The following ITPRID2 variants were observed in gnomAD, a reference collection of about 807,000 sequenced individuals.
ITPRID2 encodes ITPR interacting domain containing 2, also known as protein ITPRID2.
In ITPRID2, 60 loss-of-function variants were observed where a neutral mutation model predicts 124.3. That is an observed-to-expected ratio of 0.48 (90% CI 0.39 to 0.60). ITPRID2 has a LOEUF of 0.60. Among genes scored for constraint, ITPRID2 ranks in the 20% least tolerant of loss-of-function variants. ITPRID2 has a pLI of 0.00. For synonymous variants in ITPRID2, 521 were observed against 542.9 expected (o/e 0.96, Z 0.56); for missense variants, 1,553 against 1,512.2 (o/e 1.03, Z -0.45).
In ITPRID2 at chr2:181,896,014, G is replaced by T. The variant is rs369219118; in HGVS notation, c.258-16G>T. ...CCTTTCACAAGACTAAGGCTTATACGTTTATATGGTTTCAGTACACCTTTG... is the reference window on the plus strand; with the variant it reads ...CCTTTCACAAGACTAAGGCTTATACTTTTATATGGTTTCAGTACACCTTTG... On this transcript the variant is annotated splice_polypyrimidine_tract_variant and intron_variant, in intron 2 of 17. Transcript: ENST00000431877. The surrounding 1 kb of genome is among the most constrained non-coding windows in gnomAD (Gnocchi z 4.3). 1.2e-6 allele frequency: 2 copies of T among 1,611,420 alleles called. No individual in the cohort carries two copies. Among genetic ancestry groups the T allele is most frequent in the African/African-American group, 2.7e-5 (2 of 74,842 alleles).
At position 181,894,034 on chromosome 2, in the gene ITPRID2, A is replaced by G. The variant is rs1691981495; in HGVS notation, c.257+1374A>G. ...CTCCAATCTGACTCTTTATTTAAAT[A>G]CAGTCCTAAGTACAGTATTGGCTTA... On this transcript the variant is annotated intron_variant, in intron 2 of 17. Transcript: ENST00000431877. The G allele has an allele frequency of 2.0e-5, 3 of 152,222 alleles. No homozygotes were observed. In the South Asian group the frequency reaches 6.2e-4, roughly 32 times the overall value. 9.4% of individuals were successfully genotyped at this position (152,222 alleles called of 1,614,324 possible). A position where few individuals can be genotyped will look rare whatever the true frequency, so the allele number is the denominator to read the frequency against.
chr2:181,911,489 A>T (rs1339823003), intron 9 of ITPRID2, among the ~76,000 whole-genome samples: 1 of 152,182 alleles, frequency 6.6e-6, no homozygotes. Flanking sequence ...AAGACATACA[A>T]TATTTTCTTT....
rs1574294368 is a variant in ITPRID2 at position 181,920,809 on chromosome 2, A to G, written c.3210+147A>G. The G allele has an allele frequency of 1.2e-5, 8 of 681,418 alleles. No individual in the cohort carries two copies. In the South Asian group the frequency reaches 1.6e-4, roughly 14 times the overall value. The allele number at this position is 681,418 out of a possible 1,614,324, so 42.2% of individuals were successfully genotyped here. A position where few individuals can be genotyped will look rare whatever the true frequency, so the allele number is the denominator to read the frequency against. On this transcript the variant is annotated intron_variant, in intron 15 of 17. Coordinates refer to ENST00000431877, the MANE Select transcript of ITPRID2 (RefSeq NM_001130445.3). ...TGATTGGAAGTGACTTTCACCTTTG[A>G]AAGTCCATTGCTGTCTGAAGCCACT...
rs759732815 is a variant in ITPRID2, at chr2:181,915,485, G to T, written c.1845G>T (p.Gly615=). The stretch of plus-strand genomic sequence containing the variant: ...CTAAACAGTCCACCTGTAGTCCAGG[G>T]GATCATATCATTGAAATTACTGAAG... The part of the protein sequence containing the change: ...TGTKQSTCSP[G]DHIIEITEVE... The change falls in exon 11 of 18, where the codon GGG becomes GGT. Residue 615 remains glycine, a synonymous_variant. Coordinates refer to ENST00000431877, the MANE Select transcript of ITPRID2 (RefSeq NM_001130445.3). 1 of 1,614,154 alleles carries T rather than the reference G, an allele frequency of 6.2e-7. No individual in the cohort carries two copies. Among genetic ancestry groups the T allele is most frequent in the East Asian group, 2.2e-5 (1 of 44,880 alleles).
intron 5 of ITPRID2, 30 bp from the exon 6 acceptor site, chr2:181,898,984 A>C: frequency 2.5e-6 from 4 of 1,597,438 alleles, no homozygotes; most frequent in Admixed American, 1.7e-5. Context: ...TAAAGTTATA[A>C]AGTTTTATAT....
At chr2:181,908,982 C>T (rs1300948856) in intron 8 of ITPRID2, among the ~76,000 whole-genome samples, 1 of 152,084 alleles carries the variant, frequency 6.6e-6, no homozygotes, top group African/African-American at 2.4e-5. Flanking sequence ...GCATCTTGCC[C>T]ATTCCCTATG....
At chr2:181,901,007 G>T in intron 7 of ITPRID2, 103 bp downstream of exon 7, 1 of 898,578 alleles carries the variant, frequency 1.1e-6, no homozygotes, top group Non-Finnish European at 1.6e-6. Context: ...GCACTGGAAA[G>T]TAAAGAGATT....
chr2:181,926,661 C>T (rs557917136), intron 16 of ITPRID2, among the ~76,000 whole-genome samples: 19 of 145,612 alleles, frequency 1.3e-4, no homozygotes, highest in African/African-American at 3.6e-4. Context: ...TGCAGTGAGC[C>T]GATATTGTAC....
At position 181,912,430 on chromosome 2, in the gene ITPRID2, A is replaced by G. The variant is rs571472759; in HGVS notation, c.1487-1415A>G. Reference sequence around the variant, plus strand: ...TACGTAGGCTTATCAAGGATATGGAATAATTCCTTATATTTCATTTTGCAG... The same window carrying G: ...TACGTAGGCTTATCAAGGATATGGAGTAATTCCTTATATTTCATTTTGCAG... On this transcript the variant is annotated intron_variant, in intron 9 of 17. Transcript: ENST00000431877. Among the ~76,000 whole-genome samples, 140 of 152,368 alleles carry G rather than the reference A, an allele frequency of 9.2e-4. 1 individual carries two copies. Among genetic ancestry groups the G allele is most frequent in the Middle Eastern group, 3.4e-3 (1 of 294 alleles).
chr2:181,920,764 A>G (rs1694424883), intron 15 of ITPRID2, 102 bp downstream of exon 15: 2 of 864,004 alleles, frequency 2.3e-6, no homozygotes, highest in Admixed American at 5.0e-5. Flanking sequence ...TTTTAAATAC[A>G]TAATTTGATA....
At chr2:181,920,252 T>C (rs894961296) in intron 14 of ITPRID2, among the ~76,000 whole-genome samples, 4 of 152,196 alleles carry the variant, frequency 2.6e-5, no homozygotes, top group African/African-American at 9.7e-5. Flanking sequence ...TAAACACATA[T>C]ATGTATAGCA....
chr2:181,893,116 G>A (rs527613923), intron 2 of ITPRID2: 2 of 173,744 alleles, frequency 1.2e-5, no homozygotes, highest in South Asian at 2.8e-4. Context: ...TCTGTTTGGG[G>A]AGCTATTAAA....
At position 181,902,473 on chromosome 2, in the gene ITPRID2, A is replaced by T. The variant is rs769874821; in HGVS notation, c.1413+7A>T. On this transcript the variant is annotated splice_region_variant and intron_variant, in intron 8 of 17. Coordinates refer to ENST00000431877, the MANE Select transcript of ITPRID2 (RefSeq NM_001130445.3). This position sits in a 1 kb window ranked among gnomAD's most constrained non-coding sequence, Gnocchi z 4.4. ...CTCCTTCGAAATGGAAGAGGTAGGT[A>T]AAAAATTACTGAGACTGGTTTCAAG... The T allele has an allele frequency of 1.3e-6, 2 of 1,507,952 alleles. No homozygotes were observed. The highest frequency in any genetic ancestry group is 8.9e-7 in the Non-Finnish European group (1 of 1,128,074). 93.4% of individuals were successfully genotyped at this position (1,507,952 alleles called of 1,614,324 possible).
At chr2:181,926,328 A>C (rs1694847021) in intron 16 of ITPRID2, among the ~76,000 whole-genome samples, 1 of 152,222 alleles carries the variant, frequency 6.6e-6, no homozygotes, top group African/African-American at 2.4e-5. Flanking sequence ...TTGAGATTAT[A>C]TCATGCTTGA....
rs775547619 is a variant in ITPRID2 at position 181,922,167 on chromosome 2, G to T, written c.3430G>T (p.Ala1144Ser). 1.2e-6 allele frequency: 2 copies of T among 1,614,206 alleles called. No individual in the cohort carries two copies. Among genetic ancestry groups the T allele is most frequent in the East Asian group, 2.2e-5 (1 of 44,888 alleles). ...GGGCAAATCCAAAACCCCATTAGTGGCAAGGAAGAAAGTGTTCCGAGCATC... is the reference window on the plus strand; with the variant it reads ...GGGCAAATCCAAAACCCCATTAGTGTCAAGGAAGAAAGTGTTCCGAGCATC... Reference protein sequence around the residue: ...SVGKSKTPLVARKKVFRASVA... With the variant: ...SVGKSKTPLVSRKKVFRASVA... The change falls in exon 16 of 18, where the codon GCA becomes TCA. Residue 1144 changes from alanine (A) to serine (S), a missense_variant. Physicochemically the swap from Ala to Ser is moderately conservative, Grantham distance 99. Transcript: ENST00000431877.
intron 15 of ITPRID2, 84 bp downstream of exon 15, chr2:181,920,746 T>C (rs1694423400): frequency 1.0e-6 from 1 of 1,001,710 alleles, no homozygotes; most frequent in African/African-American, 1.6e-5. Flanking sequence ...AGATGAAATA[T>C]ATGTTTATTT....
Position 181,928,477 on chromosome 2 carries a change from A to G in ITPRID2, c.*13+199A>G, listed in dbSNP as rs368795129. Among the ~76,000 whole-genome samples, 31 of 152,218 alleles carry G rather than the reference A, an allele frequency of 2.0e-4. 1 individual carries two copies. The highest frequency in any genetic ancestry group is 1.4e-3 in the Admixed American group (22 of 15,284). On this transcript the variant is annotated intron_variant, in intron 17 of 17. Coordinates refer to ENST00000431877, the MANE Select transcript of ITPRID2 (RefSeq NM_001130445.3). ...TCAAATCCCATAATACAAATCTCCAAGGAATTACTTATATTGGGTCATTCT... is the reference window on the plus strand; with the variant it reads ...TCAAATCCCATAATACAAATCTCCAGGGAATTACTTATATTGGGTCATTCT...
At chr2:181,909,811 T>C in intron 8 of ITPRID2, 88 bp from the exon 9 acceptor site, 2 of 945,426 alleles carry the variant, frequency 2.1e-6, no homozygotes, top group South Asian at 3.1e-5. Flanking sequence ...TTGAGTTAGG[T>C]TGATTTGTTT....
chr2:181,925,507 G>T (rs1694780092), intron 16 of ITPRID2, among the ~76,000 whole-genome samples: 1 of 152,016 alleles, frequency 6.6e-6, no homozygotes, highest in Admixed American at 6.5e-5. Flanking sequence ...ATCATTTTCA[G>T]GGCCATTTTA....
Sources: gnomAD v4.1 joint callset for allele counts (sites outside exome capture counted in the v4.1 genomes callset) on GRCh38, gnomAD v4.1.1 for gene constraint, Gnocchi (gnomAD v3.1) non-coding constraint, MANE v1.5 for transcripts, NCBI Gene and HGNC (gene_info 2026-07-23, HGNC 2026-07-21) for gene names.